Variants in RFX4 observed in about 807,000 individuals in gnomAD.
RFX4 encodes transcription factor RFX4.
Under a neutral mutation model 95.0 loss-of-function variants are expected in RFX4, and 10 were observed. That is an observed-to-expected ratio of 0.11 (90% CI 0.06 to 0.18). RFX4 has a LOEUF of 0.18. RFX4 is among the 10% of genes least tolerant of loss of function. The pLI is 1.00. For synonymous variants in RFX4, 321 were observed against 340.7 expected (o/e 0.94, Z 0.64); for missense variants, 640 against 922.0 (o/e 0.69, Z 3.96).
At chr12:106,639,503 C>A in intron 3 of RFX4, 111 bp downstream of exon 3, 1 of 969,806 alleles carries the variant, frequency 1.0e-6, no homozygotes. Context: ...ACTTGACATT[C>A]CACAACATGA....
intron 2 of RFX4, among the ~76,000 whole-genome samples, chr12:106,622,553 T>A (rs1003114387): frequency 6.6e-6 from 1 of 152,094 alleles, no homozygotes; most frequent in Non-Finnish European, 1.5e-5. Flanking sequence ...TGCTTACATA[T>A]GTAGAAATTG....
At position 106,696,306 on chromosome 12, in the gene RFX4, T is replaced by C. The variant is rs2041878503; in HGVS notation, c.693T>C (p.Phe231=). 6.2e-7 allele frequency: 1 copy of C among 1,614,094 alleles called. No individual in the cohort carries two copies. The highest frequency in any genetic ancestry group is 8.5e-7 in the Non-Finnish European group (1 of 1,180,036). Residue 231 remains phenylalanine (F), a synonymous_variant, in exon 8 of 18, where the codon TTT becomes TTC. Transcript: ENST00000392842. ...AGGTTCAAAGTTTCCTTCTGCACTTTTGGCAAGGAATGCCGCCCCACATGC... is the reference window on the plus strand; with the variant it reads ...AGGTTCAAAGTTTCCTTCTGCACTTCTGGCAAGGAATGCCGCCCCACATGC... The part of the protein sequence containing the change: ...FDEVQSFLLH[F]WQGMPPHMLP...
chr12:106,598,050 A>G (rs2039646952), intron 1 of RFX4, among the ~76,000 whole-genome samples: 1 of 152,198 alleles, frequency 6.6e-6, no homozygotes, highest in Non-Finnish European at 1.5e-5. Context: ...GATGAGGTAG[A>G]CAGATTATTA....
intron 1 of RFX4, among the ~76,000 whole-genome samples, chr12:106,591,560 C>G (rs2039546623): frequency 6.6e-6 from 1 of 152,078 alleles, no homozygotes; most frequent in African/African-American, 2.4e-5. Flanking sequence ...GCCATCGCGT[C>G]CGGCTAAAAT....
intron 5 of RFX4, chr12:106,682,462 G>A (rs2041535020): frequency 5.4e-6 from 1 of 186,606 alleles, no homozygotes; most frequent in Non-Finnish European, 1.1e-5. Context: ...CCCTGCATGG[G>A]AGATGGGGCA....
At chr12:106,685,664 A>C (rs1220583820) in intron 5 of RFX4, among the ~76,000 whole-genome samples, 1 of 152,234 alleles carries the variant, frequency 6.6e-6, no homozygotes. Flanking sequence ...GATAAGATCA[A>C]AGTTTATAAG....
At chr12:106,745,620 A>G (rs540251554) in intron 15 of RFX4, among the ~76,000 whole-genome samples, 2 of 152,194 alleles carry the variant, frequency 1.3e-5, no homozygotes, top group Non-Finnish European at 2.9e-5. Flanking sequence ...AGTCCCTGGG[A>G]TGGAATGGAC....
chr12:106,639,850 TA>T (rs2040583668), intron 3 of RFX4, among the ~76,000 whole-genome samples: 1 of 152,230 alleles, frequency 6.6e-6, no homozygotes, highest in African/African-American at 2.4e-5. Flanking sequence ...CTTGATGAAA[TA>T]TTTAATAATG....
intron 3 of RFX4, among the ~76,000 whole-genome samples, chr12:106,639,723 C>A (rs1246349697): frequency 2.0e-5 from 3 of 152,118 alleles, no homozygotes; most frequent in African/African-American, 7.2e-5. Flanking sequence ...TTGACTCTTA[C>A]CAATGAACCC....
chr12:106,589,056 C>G (rs1198948889), intron 1 of RFX4, among the ~76,000 whole-genome samples: 4 of 152,146 alleles, frequency 2.6e-5, no homozygotes, highest in African/African-American at 9.7e-5. Context: ...TTCAGCTGCC[C>G]CTCTGATGGC....
At chr12:106,752,429 C>T (rs2043025050) in intron 17 of RFX4, among the ~76,000 whole-genome samples, 1 of 152,148 alleles carries the variant, frequency 6.6e-6, no homozygotes, top group African/African-American at 2.4e-5. Flanking sequence ...TTTGCTCTCA[C>T]ACACCTGGTC....
intron 1 of RFX4, among the ~76,000 whole-genome samples, chr12:106,594,952 C>G (rs772358048): frequency 6.6e-5 from 10 of 152,166 alleles, no homozygotes; most frequent in Non-Finnish European, 1.3e-4. Context: ...CCATCAGAAT[C>G]ATTTCCATAA....
chr12:106,674,929 G>T (rs2041361999), intron 4 of RFX4, among the ~76,000 whole-genome samples: 2 of 152,198 alleles, frequency 1.3e-5, no homozygotes, highest in South Asian at 4.1e-4. Context: ...GGAAAATGAG[G>T]CTGGAGATCC....
Position 106,583,335 on chromosome 12 carries a change from A to G in RFX4, c.15A>G (p.Leu5=), listed in dbSNP as rs1312335129. The G allele has an allele frequency of 6.3e-7, 1 of 1,583,618 alleles. No individual in the cohort carries two copies. The highest frequency in any genetic ancestry group is 8.6e-7 in the Non-Finnish European group (1 of 1,168,876). The part of the protein sequence containing the change: MHCG[L]LEEPDMDSTE... ...ATGGGAAGAGCATGCATTGTGGGTT[A>G]CTGGAGGAACCCGACATGGATTCCA... is the stretch of plus-strand genomic sequence containing the variant. Residue 5 remains leucine, a synonymous_variant, in exon 1 of 18, where the codon TTA becomes TTG. Transcript: ENST00000392842.
At chr12:106,711,930 A>G (rs1373366837) in intron 10 of RFX4, among the ~76,000 whole-genome samples, 2 of 152,242 alleles carry the variant, frequency 1.3e-5, no homozygotes, top group Non-Finnish European at 2.9e-5. Context: ...TTAGCACAAA[A>G]GTGACATATG....
intron 15 of RFX4, among the ~76,000 whole-genome samples, chr12:106,746,274 C>G (rs1007542512): frequency 6.0e-5 from 9 of 150,594 alleles, no homozygotes; most frequent in Non-Finnish European, 1.3e-4. Flanking sequence ...GAGAATCACT[C>G]GAACCCAGGA....
At chr12:106,723,049 A>G (rs2042425347) in intron 13 of RFX4, among the ~76,000 whole-genome samples, 1 of 152,198 alleles carries the variant, frequency 6.6e-6, no homozygotes. Context: ...TGACCATTAC[A>G]ATGATCGTGT....
At chr12:106,715,634 C>G (rs759233696) in intron 11 of RFX4, 90 bp downstream of exon 11, 14 of 1,408,664 alleles carry the variant, frequency 9.9e-6, no homozygotes, top group Non-Finnish European at 1.4e-5. Flanking sequence ...GCATCCCCAC[C>G]CTGTTCTTCC....
At chr12:106,751,150 T>C (rs917542349) in intron 17 of RFX4, among the ~76,000 whole-genome samples, 73 of 148,380 alleles carry the variant, frequency 4.9e-4, no homozygotes, top group Non-Finnish European at 8.8e-4. Flanking sequence ...TGTGATCTCA[T>C]TGTTCAATTC....
Sources: allele counts gnomAD v4.1 joint callset (sites outside exome capture counted in the v4.1 genomes callset), GRCh38; gene constraint gnomAD v4.1.1; transcripts MANE v1.5; gene names NCBI Gene and HGNC (gene_info 2026-07-23, HGNC 2026-07-21).